Variants in ZFYVE28 observed in about 807,000 individuals in gnomAD.
ZFYVE28 encodes the protein zinc finger FYVE-type containing 28, also known as lateral signaling target protein 2 homolog.
In ZFYVE28, 40 loss-of-function variants were observed where a neutral mutation model predicts 82.1. The ratio of observed to expected loss-of-function variants is 0.49; its 90% CI spans 0.38 to 0.63. The LOEUF is 0.63. Ranked by LOEUF, ZFYVE28 falls within the 30% of genes least tolerant of loss-of-function variation. ZFYVE28 has a pLI of 0.00. For synonymous variants in ZFYVE28, 612 were observed against 546.1 expected, an observed-to-expected ratio of 1.12 and a Z score of -1.68; for missense variants, 1,321 against 1,242.1, an observed-to-expected ratio of 1.06 and a Z score of -0.96.
At chr4:2,363,742 T>C (rs1048614759) in intron 1 of ZFYVE28, among the ~76,000 whole-genome samples, 28 of 152,236 alleles carry the variant, frequency 1.8e-4, no homozygotes, top group African/African-American at 6.5e-4. Flanking sequence ...TATTTGGCTA[T>C]GACGATCTTT....
At chr4:2,307,758 T>A (rs759303401) in intron 7 of ZFYVE28, among the ~76,000 whole-genome samples, 2 of 152,202 alleles carry the variant, frequency 1.3e-5, no homozygotes, top group Non-Finnish European at 2.9e-5. Context: ...CCTCCCAAAG[T>A]GCTGGGATTA....
rs374527697 is a variant in ZFYVE28 at position 2,320,725 on chromosome 4, C to T, written c.702-454G>A. Among the ~76,000 whole-genome samples, 583 of 152,304 alleles carry T rather than the reference C, an allele frequency of 3.8e-3. 1 individual carries two copies. Among genetic ancestry groups the T allele is most frequent in the South Asian group, 0.017 (81 of 4,826 alleles). On this transcript the variant is annotated intron_variant, in intron 6 of 12. Transcript: ENST00000290974. The surrounding 1 kb of genome is among the most constrained non-coding windows in gnomAD (Gnocchi z 5.1). ...CCAGCTGGAGGTGCGAGCTGAGGCC[C>T]GCACGGGTTCCCTTCCTGCAGCCTG...
chr4:2,330,460 C>T (rs1720493482), intron 6 of ZFYVE28: 1 of 1,065,462 alleles, frequency 9.4e-7, no homozygotes, highest in Admixed American at 4.9e-5. Flanking sequence ...GAGGAGGGAA[C>T]ATCATAAAGG....
chr4:2,408,914 G>A lies in ZFYVE28; in HGVS notation c.39+9371C>T, dbSNP rs1226016735. ...GCGGTTTCTAAGTGGACCTTCCCATGCACTCAGCTTTAGGTTTTAGTTTCC... is the reference window on the plus strand; with the variant it reads ...GCGGTTTCTAAGTGGACCTTCCCATACACTCAGCTTTAGGTTTTAGTTTCC... On this transcript the variant is annotated intron_variant, in intron 1 of 12. Transcript: ENST00000290974. The surrounding 1 kb of genome is among the most constrained non-coding windows in gnomAD (Gnocchi z 4.3). 1.3e-5 allele frequency among the ~76,000 whole-genome samples: 2 copies of A among 152,232 alleles called. No individual in the cohort carries two copies. Among genetic ancestry groups the A allele is most frequent in the African/African-American group, 4.8e-5 (2 of 41,452 alleles).
chr4:2,412,171 C>T (rs973038304), intron 1 of ZFYVE28, among the ~76,000 whole-genome samples: 1 of 152,196 alleles, frequency 6.6e-6, no homozygotes, highest in African/African-American at 2.4e-5. Flanking sequence ...CCGCCACCTA[C>T]CAGAAAAAGG....
chr4:2,271,880 G>A (rs931268474), intron 10 of ZFYVE28, 101 bp from the exon 11 acceptor site: 18 of 1,097,056 alleles, frequency 1.6e-5, no homozygotes, highest in Admixed American at 1.3e-4. Context: ...TCCAGCAGTC[G>A]GTCAGCTCCC....
chr4:2,339,747 G>A lies in ZFYVE28; in HGVS notation c.319-92C>T. The A allele has an allele frequency of 8.1e-7, 1 of 1,230,926 alleles. No individual in the cohort carries two copies. Among genetic ancestry groups the A allele is most frequent in the Non-Finnish European group, 1.1e-6 (1 of 898,166 alleles). 76.3% of individuals were successfully genotyped at this position (1,230,926 alleles called of 1,614,324 possible). Reference sequence around the variant, plus strand: ...GGGGAACCTGACTGCGCACCTCGGGGCCCCTCTTCTCACCCCACAGCACAG... The same window carrying A: ...GGGGAACCTGACTGCGCACCTCGGGACCCCTCTTCTCACCCCACAGCACAG... On this transcript the variant is annotated intron_variant, in intron 3 of 12. Coordinates refer to ENST00000290974, the MANE Select transcript of ZFYVE28 (RefSeq NM_020972.3). The surrounding 1 kb of genome is among the most constrained non-coding windows in gnomAD (Gnocchi z 5.0).
At chr4:2,357,738 G>T (rs1263053845) in intron 1 of ZFYVE28, among the ~76,000 whole-genome samples, 1 of 152,190 alleles carries the variant, frequency 6.6e-6, no homozygotes, top group African/African-American at 2.4e-5. Flanking sequence ...AAACAGGCCA[G>T]GTACTGAATT....
chr4:2,375,813 T>C (rs575830568), intron 1 of ZFYVE28, among the ~76,000 whole-genome samples: 1 of 152,198 alleles, frequency 6.6e-6, no homozygotes, highest in African/African-American at 2.4e-5. Context: ...GAGTTCACCA[T>C]GAATGTGCAA....
chr4:2,298,067 G>A (rs1355007207), intron 8 of ZFYVE28, among the ~76,000 whole-genome samples: 3 of 148,768 alleles, frequency 2.0e-5, no homozygotes, highest in East Asian at 2.0e-4. Flanking sequence ...AGGCTGTGCT[G>A]TGAGGAACGG....
In ZFYVE28 at chr4:2,372,371, G is replaced by A. The variant is rs1048429984; in HGVS notation, c.40-18298C>T. ...CCCAGCCCTTCCATCGCCGCCTCCT[G>A]CCACCACCGCTCCCGCCATCCTCCT... On this transcript the variant is annotated intron_variant, in intron 1 of 12. Coordinates refer to ENST00000290974, the MANE Select transcript of ZFYVE28 (RefSeq NM_020972.3). The surrounding 1 kb of genome is among the most constrained non-coding windows in gnomAD (Gnocchi z 5.2). 1.3e-5 allele frequency among the ~76,000 whole-genome samples: 2 copies of A among 152,012 alleles called. No homozygotes were observed. Among genetic ancestry groups the A allele is most frequent in the African/African-American group, 4.8e-5 (2 of 41,376 alleles).
In ZFYVE28 at chr4:2,320,325, C is replaced by T. The variant is rs1486618842; in HGVS notation, c.702-54G>A. ...TCAGGCCCTGTGGCCCCCTGGGTGC[C>T]GCGGACGGCCCAACTTAACCACCTG... is the stretch of plus-strand genomic sequence containing the variant. On this transcript the variant is annotated intron_variant, in intron 6 of 12. Transcript: ENST00000290974. The surrounding 1 kb of genome is among the most constrained non-coding windows in gnomAD (Gnocchi z 5.1). 18 of 1,546,352 alleles carry T rather than the reference C, an allele frequency of 1.2e-5. No individual in the cohort carries two copies. Among genetic ancestry groups the T allele is most frequent in the Admixed American group, 1.1e-4 (6 of 55,118 alleles).
chr4:2,377,732 T>C (rs1728310055), intron 1 of ZFYVE28, among the ~76,000 whole-genome samples: 1 of 152,250 alleles, frequency 6.6e-6, no homozygotes, highest in South Asian at 2.1e-4. Context: ...AAGATTCTCT[T>C]CATCTTTGAC....
chr4:2,331,252 C>T (rs931550743), intron 6 of ZFYVE28, among the ~76,000 whole-genome samples: 3 of 151,900 alleles, frequency 2.0e-5, no homozygotes, highest in South Asian at 2.1e-4. Context: ...CGGGCGAAGC[C>T]GCAGCGAGGC....
intron 1 of ZFYVE28, among the ~76,000 whole-genome samples, chr4:2,354,463 T>TC (rs964222356): frequency 6.7e-6 from 1 of 150,120 alleles, no homozygotes; most frequent in Non-Finnish European, 1.5e-5. Flanking sequence ...ATTTTTTTTT[T>TC]TTTTTTTTTT....
rs1456258251 is a variant in ZFYVE28 at position 2,270,869 on chromosome 4, T to G, written c.2533-13A>C. 1.2e-6 allele frequency: 2 copies of G among 1,612,186 alleles called. No individual in the cohort carries two copies. Among genetic ancestry groups the G allele is most frequent in the Non-Finnish European group, 1.7e-6 (2 of 1,179,854 alleles). Reference sequence around the variant, plus strand: ...GCGAGCAGAAGATCTGGAATGGGGTTGGGGCAGTGAGGGTCTGCGGCAGAC... The same window carrying G: ...GCGAGCAGAAGATCTGGAATGGGGTGGGGGCAGTGAGGGTCTGCGGCAGAC... On this transcript the variant is annotated splice_polypyrimidine_tract_variant and intron_variant, in intron 12 of 12. Transcript: ENST00000290974.
intron 8 of ZFYVE28, among the ~76,000 whole-genome samples, chr4:2,303,571 C>A (rs370495698): frequency 2.0e-5 from 3 of 152,132 alleles, no homozygotes; most frequent in African/African-American, 4.8e-5. Flanking sequence ...GCCCTGACAA[C>A]GCAGCCATGA....
At chr4:2,373,622 G>C (rs533640460) in intron 1 of ZFYVE28, among the ~76,000 whole-genome samples, 1 of 152,122 alleles carries the variant, frequency 6.6e-6, no homozygotes, top group Non-Finnish European at 1.5e-5. Flanking sequence ...AGAACACATC[G>C]ATCCATTCTT....
chr4:2,318,394 C>T (rs760801174), intron 7 of ZFYVE28, among the ~76,000 whole-genome samples: 7 of 152,110 alleles, frequency 4.6e-5, no homozygotes, highest in Non-Finnish European at 8.8e-5. Flanking sequence ...CCCGTCTCTA[C>T]TAAAAATATA....
Sources: allele counts gnomAD v4.1 joint callset (sites outside exome capture counted in the v4.1 genomes callset), GRCh38; gene constraint gnomAD v4.1.1; non-coding constraint Gnocchi (gnomAD v3.1); transcripts MANE v1.5; gene names NCBI Gene and HGNC (gene_info 2026-07-23, HGNC 2026-07-21).